APBA2: variants seen among roughly 807,000 people sequenced by gnomAD.
The protein encoded by APBA2 is amyloid-beta A4 precursor protein-binding family A member 2.
Under a neutral mutation model 75.0 loss-of-function variants are expected in APBA2, and 30 were observed. That is an observed-to-expected ratio of 0.40 (90% CI 0.30 to 0.54). APBA2 has a LOEUF of 0.54. APBA2 is among the 20% of genes least tolerant of loss of function. The pLI is 0.49. For missense variants in APBA2, 801 were observed against 1,016.1 expected (o/e 0.79, Z 2.88); for synonymous variants, 444 against 409.6 (o/e 1.08, Z -1.01).
intron 6 of APBA2, among the ~76,000 whole-genome samples, chr15:29,087,272 ATTAT>A (rs571650311): frequency 7.4e-4 from 109 of 147,968 alleles, no homozygotes; most frequent in African/African-American, 2.6e-3. Flanking sequence ...TTTAAAAAAA[ATTAT>A]TTATTATGCT....
At chr15:28,964,151 A>T (rs1283010500) in intron 2 of APBA2, among the ~76,000 whole-genome samples, 2 of 152,212 alleles carry the variant, frequency 1.3e-5, no homozygotes, top group Non-Finnish European at 2.9e-5. Context: ...TGTGAAAACA[A>T]GTTTTTATTC....
At chr15:29,079,854 A>G (rs2043011402) in intron 6 of APBA2, among the ~76,000 whole-genome samples, 2 of 152,222 alleles carry the variant, frequency 1.3e-5, no homozygotes, top group African/African-American at 4.8e-5. Context: ...TGCACATGAT[A>G]CCGTCTGAAC....
intron 8 of APBA2, among the ~76,000 whole-genome samples, chr15:29,097,673 C>T (rs1164896582): frequency 6.6e-6 from 1 of 152,134 alleles, no homozygotes; most frequent in African/African-American, 2.4e-5. Flanking sequence ...GTAATGAGAA[C>T]ACTTCATTCA....
chr15:29,054,425 G>A lies in APBA2; in HGVS notation c.541G>A (p.Glu181Lys), dbSNP rs2041777894. 6.2e-7 allele frequency: 1 copy of A among 1,614,174 alleles called. No homozygotes were observed. The highest frequency in any genetic ancestry group is 1.7e-5 in the Admixed American group (1 of 60,034). ...CTCCGTCCTTGAGGCCCATGACCAGGAAGAAGATGGTCACTACTGTGCCAG... is the reference window on the plus strand; with the variant it reads ...CTCCGTCCTTGAGGCCCATGACCAGAAAGAAGATGGTCACTACTGTGCCAG... ...EPSVLEAHDQEEDGHYCASKE... is the reference protein window; with the variant it reads ...EPSVLEAHDQKEDGHYCASKE... Residue 181 changes from glutamate to lysine, a missense_variant, in exon 4 of 15, where the codon GAA becomes AAA. Physicochemically the swap from Glu to Lys is moderately conservative, Grantham distance 56. Transcript: ENST00000683413. This position sits in a 1 kb window ranked among gnomAD's most constrained non-coding sequence, Gnocchi z 6.1.
intron 2 of APBA2, among the ~76,000 whole-genome samples, chr15:28,945,132 A>G (rs1251000928): frequency 2.6e-5 from 4 of 152,352 alleles, no homozygotes; most frequent in Middle Eastern, 3.4e-3. Context: ...ACTCACAGCC[A>G]GCCGCGGCGT....
intron 2 of APBA2, among the ~76,000 whole-genome samples, chr15:28,953,800 G>A (rs1213032107): frequency 1.3e-5 from 2 of 152,170 alleles, no homozygotes; most frequent in African/African-American, 4.8e-5. Context: ...GAGTGTCAGA[G>A]TGTCCCTGCG....
intron 2 of APBA2, among the ~76,000 whole-genome samples, chr15:28,951,266 C>A (rs2035856220): frequency 6.6e-6 from 1 of 152,180 alleles, no homozygotes; most frequent in Admixed American, 6.5e-5. Context: ...ATAGAAGGGA[C>A]TTGAGCATTG....
At chr15:28,990,764 A>G (rs1172224124) in intron 2 of APBA2, 12 of 152,238 alleles carry the variant, frequency 7.9e-5, no homozygotes, top group Non-Finnish European at 5.9e-5. Flanking sequence ...AATGTTACTC[A>G]TCACATGTGG....
intron 13 of APBA2, among the ~76,000 whole-genome samples, chr15:29,113,135 C>G (rs138391190): frequency 6.6e-6 from 1 of 152,142 alleles, no homozygotes; most frequent in Non-Finnish European, 1.5e-5. Flanking sequence ...AACACTGCTG[C>G]TGTGAACACG....
chr15:29,056,610 C>CCTCCTTCCT (rs2041905066), intron 4 of APBA2, among the ~76,000 whole-genome samples: 1 of 45,930 alleles, frequency 2.2e-5, no homozygotes, highest in Non-Finnish European at 3.8e-5. Context: ...CCCTCCCTCC[C>CCTCCTTCCT]TCCTTCTCTC....
At chr15:29,112,577 C>T (rs906298479) in intron 13 of APBA2, among the ~76,000 whole-genome samples, 6 of 152,142 alleles carry the variant, frequency 3.9e-5, no homozygotes, top group East Asian at 1.9e-4. Flanking sequence ...CCTGGGGTGG[C>T]GAAGGAGCTG....
intron 2 of APBA2, among the ~76,000 whole-genome samples, chr15:28,963,377 T>C (rs1003743524): frequency 6.6e-6 from 1 of 152,236 alleles, no homozygotes; most frequent in African/African-American, 2.4e-5. Flanking sequence ...GCGCCTTCCC[T>C]GTGCCCAGCA....
chr15:28,907,855 G>T (rs1434139622), intron 1 of APBA2, among the ~76,000 whole-genome samples: 2 of 152,206 alleles, frequency 1.3e-5, no homozygotes, highest in Non-Finnish European at 2.9e-5. Context: ...GCTGCTGCTG[G>T]TGTATTTTCT....
At chr15:28,979,694 C>T (rs1192649245) in intron 2 of APBA2, among the ~76,000 whole-genome samples, 4 of 152,188 alleles carry the variant, frequency 2.6e-5, no homozygotes, top group Non-Finnish European at 5.9e-5. Flanking sequence ...GCGGAGCGTG[C>T]AGTCTCTTGG....
intron 2 of APBA2, among the ~76,000 whole-genome samples, chr15:28,953,529 G>A (rs181452417): frequency 2.0e-5 from 3 of 151,742 alleles, no homozygotes; most frequent in African/African-American, 4.8e-5. Context: ...TCTTATACCC[G>A]CTCCAGTCGG....
At chr15:28,936,569 G>C (rs529737695) in intron 2 of APBA2, among the ~76,000 whole-genome samples, 12 of 152,170 alleles carry the variant, frequency 7.9e-5, no homozygotes, top group African/African-American at 2.2e-4. Context: ...GTGCCTGCGC[G>C]TTAGGCACGT....
At chr15:28,902,257 G>A (rs1359407950) in intron 1 of APBA2, among the ~76,000 whole-genome samples, 1 of 152,114 alleles carries the variant, frequency 6.6e-6, no homozygotes, top group Non-Finnish European at 1.5e-5. Context: ...GTGCTGTGGA[G>A]GGAGGAGGGC....
chr15:29,054,548 CAGG>C lies in APBA2; in HGVS notation c.672_674del (p.Glu224del), dbSNP rs746518194. On this transcript the variant is annotated inframe_deletion, in exon 4 of 15. Coordinates refer to ENST00000683413, the MANE Select transcript of APBA2 (RefSeq NM_001353788.2). This position sits in a 1 kb window ranked among gnomAD's most constrained non-coding sequence, Gnocchi z 6.1. ...GCGTGGGGATGGGGACCTGGAGGAC[CAGG>C]AGGAGGACATTGACCAGATCGTGGC... 1 of 1,613,586 alleles carries C rather than the reference CAGG, an allele frequency of 6.2e-7. No homozygotes were observed. The highest frequency in any genetic ancestry group is 2.2e-5 in the East Asian group (1 of 44,858).
intron 1 of APBA2, among the ~76,000 whole-genome samples, chr15:28,898,055 G>A (rs2032615638): frequency 6.6e-6 from 1 of 152,152 alleles, no homozygotes; most frequent in African/African-American, 2.4e-5. Context: ...ACAGCTCAGG[G>A]AGCACCGGCA....
Sources: gnomAD v4.1 joint callset for allele counts (sites outside exome capture counted in the v4.1 genomes callset) on GRCh38, gnomAD v4.1.1 for gene constraint, Gnocchi (gnomAD v3.1) non-coding constraint, MANE v1.5 for transcripts, NCBI Gene and HGNC (gene_info 2026-07-23, HGNC 2026-07-21) for gene names.